Variants in KANK2 observed in about 807,000 individuals in gnomAD.
KANK2 encodes the protein KN motif and ankyrin repeat domain-containing protein 2.
In KANK2, 41 loss-of-function variants were observed where a neutral mutation model predicts 74.6. The ratio of observed to expected loss-of-function variants is 0.55; its 90% CI spans 0.43 to 0.71. The LOEUF (loss-of-function observed/expected upper bound fraction) is 0.71, where lower values mean the gene tolerates loss of function less well. KANK2 is among the 30% of genes least tolerant of loss of function. KANK2 has a pLI of 0.00. For missense variants in KANK2, 1,148 were observed against 1,196.4 expected (o/e 0.96, Z 0.60); for synonymous variants, 537 against 519.0 (o/e 1.03, Z -0.47).
intron 4 of KANK2, among the ~76,000 whole-genome samples, chr19:11,190,834 G>T (rs533082294): frequency 4.3e-4 from 65 of 152,070 alleles, no homozygotes; most frequent in African/African-American, 1.5e-3. Flanking sequence ...AAGTTCAAGC[G>T]ATTCTTGTGC....
In KANK2 at chr19:11,169,919, C is replaced by T. The variant is rs754961661; in HGVS notation, c.2460G>A (p.Glu820=). 2 of 1,614,232 alleles carry T rather than the reference C, an allele frequency of 1.2e-6. No individual in the cohort carries two copies. The highest frequency in any genetic ancestry group is 2.2e-5 in the South Asian group (2 of 91,088). ...TGCGGGAATACAGCATGGACGCAAT[C>T]TCACTCTGCCCTGCGTCCAAGGCCA... The part of the protein sequence containing the change: ...LMVALDAGQS[E]IASMLYSRMN... The change falls in exon 12 of 13, where the codon GAG becomes GAA. Residue 820 remains glutamate (E), a synonymous_variant. Coordinates refer to ENST00000586659, the MANE Select transcript of KANK2 (RefSeq NM_001136191.3).
At chr19:11,182,966 G>A (rs17616620) in intron 4 of KANK2, among the ~76,000 whole-genome samples, 10,133 of 152,044 alleles carry the variant, frequency 0.067, 388 homozygotes, top group Admixed American at 0.09. Context: ...CCAGTCTAAG[G>A]AATTGAAGGT....
In KANK2 at chr19:11,170,967, G is replaced by A. The variant is rs748063260; in HGVS notation, c.2212-719C>T. Among the ~76,000 whole-genome samples, 9 of 152,156 alleles carry A rather than the reference G, an allele frequency of 5.9e-5. No homozygotes were observed. The highest frequency in any genetic ancestry group is 2.0e-4 in the Admixed American group (3 of 15,270). ...CTCCTGAGTAGCTGAGATTACAGGC[G>A]TGTGCCACTACGCCCAGCTAATTTT... On this transcript the variant is annotated intron_variant, in intron 10 of 12. Transcript: ENST00000586659. This position sits in a 1 kb window ranked among gnomAD's most constrained non-coding sequence, Gnocchi z 5.2.
intron 4 of KANK2, 52 bp downstream of exon 4, chr19:11,192,779 A>G: frequency 1.9e-6 from 3 of 1,547,582 alleles, no homozygotes; most frequent in South Asian, 1.1e-5. Context: ...ATGGGAAGAA[A>G]GAGGCCCCCC....
At chr19:11,169,806 CA>C in intron 12 of KANK2, 70 bp downstream of exon 12, 2 of 1,356,046 alleles carry the variant, frequency 1.5e-6, no homozygotes. Flanking sequence ...GCCTCAAAAA[CA>C]AAAACAACAA....
chr19:11,174,342 T>C, intron 9 of KANK2, 131 bp downstream of exon 9: 2 of 744,670 alleles, frequency 2.7e-6, no homozygotes, highest in Non-Finnish European at 2.3e-6. Flanking sequence ...TTCCCTCTAT[T>C]ATACTGAGAA....
At position 11,174,641 on chromosome 19, in the gene KANK2, T is replaced by C. The variant is rs538438742; in HGVS notation, c.1900A>G (p.Ser634Gly). The change falls in exon 9 of 13, where the codon AGC becomes GGC. Residue 634 changes from serine to glycine, a missense_variant. By Grantham distance (56) the Ser-to-Gly change is moderately conservative. Transcript: ENST00000586659. ...LQEWLRLACR[S>G]DAHPELVRRH... Reference sequence around the variant, plus strand: ...CGCACCAGCTCGGGGTGTGCGTCGCTGCGGCAGGCCAGGCGCAGCCACTCC... The same window carrying C: ...CGCACCAGCTCGGGGTGTGCGTCGCCGCGGCAGGCCAGGCGCAGCCACTCC... 5 of 1,610,928 alleles carry C rather than the reference T, an allele frequency of 3.1e-6. No homozygotes were observed. Among genetic ancestry groups the C allele is most frequent in the Non-Finnish European group, 4.2e-6 (5 of 1,179,198 alleles).
At chr19:11,197,584 G>C (rs1054657374), upstream of KANK2, 2 of 151,368 alleles carry the variant, frequency 1.3e-5, no homozygotes, top group Non-Finnish European at 2.9e-5. Context: ...GGCTCCGCCC[G>C]CACCACGCCC....
chr19:11,178,574 A>T lies in KANK2; in HGVS notation c.1396T>A (p.Ser466Thr). Residue 466 changes from serine to threonine, a missense_variant, in exon 5 of 13, where the codon TCC becomes ACC. Physicochemically the swap from Ser to Thr is moderately conservative, Grantham distance 58 (BLOSUM62 1). Coordinates refer to ENST00000586659, the MANE Select transcript of KANK2 (RefSeq NM_001136191.3). Reference sequence around the variant, plus strand: ...TTACCGGTGCCCCCGGCCTCCTCGGACTCTTGGGAGGCTGCTTGCCTGGTG... The same window carrying T: ...TTACCGGTGCCCCCGGCCTCCTCGGTCTCTTGGGAGGCTGCTTGCCTGGTG... ...EPTRQAASQESEEAGGTGGPP... is the reference protein window; with the variant it reads ...EPTRQAASQETEEAGGTGGPP... The T allele has an allele frequency of 6.2e-7, 1 of 1,601,048 alleles. No homozygotes were observed. Among genetic ancestry groups the T allele is most frequent in the Non-Finnish European group, 8.5e-7 (1 of 1,174,978 alleles).
At chr19:11,175,018 CAT>C (rs1186559910) in intron 8 of KANK2, among the ~76,000 whole-genome samples, 1 of 149,924 alleles carries the variant, frequency 6.7e-6, no homozygotes, top group African/African-American at 2.5e-5. Context: ...AGTGCAGTTA[CAT>C]GATCAGGACT....
chr19:11,172,920 A>C, intron 10 of KANK2, 61 bp downstream of exon 10: 1 of 1,572,146 alleles, frequency 6.4e-7, no homozygotes, highest in Non-Finnish European at 8.7e-7. Context: ...CCTGTCACTC[A>C]GCTGGGATGT....
At chr19:11,192,214 C>G (rs1413371668) in intron 4 of KANK2, among the ~76,000 whole-genome samples, 1 of 152,192 alleles carries the variant, frequency 6.6e-6, no homozygotes, top group Non-Finnish European at 1.5e-5. Flanking sequence ...AGGTTTCTGC[C>G]TGGTAAACCA....
At position 11,192,790 on chromosome 19, in the gene KANK2, C is replaced by A. The variant is rs199696692; in HGVS notation, c.1249+41G>T. 794 of 1,580,058 alleles carry A rather than the reference C, an allele frequency of 5.0e-4. 10 individuals are homozygous for A. In the South Asian group the frequency reaches 6.8e-3, roughly 13 times the overall value. On this transcript the variant is annotated intron_variant, in intron 4 of 12. Coordinates refer to ENST00000586659, the MANE Select transcript of KANK2 (RefSeq NM_001136191.3). ...AGCCATGGGAAGAAAGAGGCCCCCCCCCCCCAAGCCATTCTCCCCTGCCTG... is the reference window on the plus strand; with the variant it reads ...AGCCATGGGAAGAAAGAGGCCCCCCACCCCCAAGCCATTCTCCCCTGCCTG...
chr19:11,186,639 C>T lies in KANK2; in HGVS notation c.1249+6192G>A, dbSNP rs1050375006. Among the ~76,000 whole-genome samples the T allele has an allele frequency of 6.6e-5, 10 of 151,916 alleles. No homozygotes were observed. The South Asian group carries it at 1.0e-3, about 16-fold the overall frequency. ...GCTTGAACCCGGGAGGTGGAGGTTG[C>T]GGTGAGCCAAGATCACACCACTGCA... On this transcript the variant is annotated intron_variant, in intron 4 of 12. Transcript: ENST00000586659.
chr19:11,173,167 G>A (rs752098596), intron 9 of KANK2, 44 bp from the exon 10 acceptor site: 14 of 1,587,664 alleles, frequency 8.8e-6, no homozygotes, highest in Admixed American at 1.7e-5. Flanking sequence ...ATCGCTGCTA[G>A]TGGACTGCCC....
chr19:11,170,122 A>C lies in KANK2; in HGVS notation c.2338T>G (p.Cys780Gly), dbSNP rs1400693258. ...DDGSTALMCA[C>G]EHGHKEIAGL... The stretch of plus-strand genomic sequence containing the variant: ...GCGATCTCCTTGTGGCCGTGCTCAC[A>C]GGCGCACATGAGGGCCGTGGAGCCG... Residue 780 changes from cysteine to glycine, a missense_variant, in exon 11 of 13, where the codon TGT becomes GGT. Cys to Gly is a radical substitution (Grantham distance 159). Transcript: ENST00000586659. The surrounding 1 kb of genome is among the most constrained non-coding windows in gnomAD (Gnocchi z 5.2). 6.2e-7 allele frequency: 1 copy of C among 1,613,224 alleles called. No homozygotes were observed. The highest frequency in any genetic ancestry group is 8.5e-7 in the Non-Finnish European group (1 of 1,180,018).
rs547217764 is a variant in KANK2, at chr19:11,172,208, C to T, written c.2211+773G>A. Among the ~76,000 whole-genome samples the T allele has an allele frequency of 9.2e-5, 14 of 151,820 alleles. No individual in the cohort carries two copies. The South Asian group carries it at 2.5e-3, about 27-fold the overall frequency. On this transcript the variant is annotated intron_variant, in intron 10 of 12. Transcript: ENST00000586659. Reference sequence around the variant, plus strand: ...GTCAGGCTGGTCTTGAACTTCTGACCTCAGGTGATCCACCCACCTCAGCCT... The same window carrying T: ...GTCAGGCTGGTCTTGAACTTCTGACTTCAGGTGATCCACCCACCTCAGCCT...
At position 11,164,707 on chromosome 19, in the gene KANK2, TATTCATCCATCC is replaced by T; in HGVS notation, c.*1839_*1850del. The T allele has an allele frequency of 7.8e-6, 1 of 128,626 alleles. No homozygotes were observed. Among genetic ancestry groups the T allele is most frequent in the East Asian group, 2.1e-4 (1 of 4,830 alleles). The allele number at this position is 128,626 out of a possible 1,614,324, so 8.0% of individuals were successfully genotyped here. A position where few individuals can be genotyped will look rare whatever the true frequency, so the allele number is the denominator to read the frequency against. On this transcript the variant is annotated 3_prime_UTR_variant, in exon 13 of 13. Transcript: ENST00000586659. ...AATTTACATGCAAACACCATCTATCTATTCATCCATCCATCCATCCATCCATCCATCCATCCA... is the reference window on the plus strand; with the variant it reads ...AATTTACATGCAAACACCATCTATCTATCCATCCATCCATCCATCCATCCA...
intron 4 of KANK2, chr19:11,192,392 C>T (rs61045132): frequency 0.32 from 80,435 of 250,654 alleles, 14,172 homozygotes; most frequent in South Asian, 0.5. Flanking sequence ...ACTGATGTGT[C>T]TGGTGGAAGG....
Sources: gnomAD v4.1 joint callset for allele counts (sites outside exome capture counted in the v4.1 genomes callset) on GRCh38, gnomAD v4.1.1 for gene constraint, Gnocchi (gnomAD v3.1) non-coding constraint, MANE v1.5 for transcripts, NCBI Gene and HGNC (gene_info 2026-07-23, HGNC 2026-07-21) for gene names.